Variants in FAM98B observed in about 807,000 individuals in gnomAD.
The protein encoded by FAM98B is tRNA splicing ligase complex subunit 3B.
In FAM98B, 32 loss-of-function variants were observed where a neutral mutation model predicts 43.9. The ratio of observed to expected loss-of-function variants is 0.73; its 90% confidence interval spans 0.55 to 0.98. The LOEUF is 0.98. FAM98B is among the 50% of genes least tolerant of loss of function. The pLI, the probability that FAM98B is intolerant of heterozygous loss-of-function variation, is 0.00. For missense variants in FAM98B, 514 were observed against 522.9 expected, an observed-to-expected ratio of 0.98 and a Z score of 0.17; for synonymous variants, 190 against 174.0, an observed-to-expected ratio of 1.09 and a Z score of -0.72.
Position 38,465,253 on chromosome 15 carries a change from T to A in FAM98B, c.218-16T>A, listed in dbSNP as rs1566898045. On this transcript the variant is annotated splice_polypyrimidine_tract_variant and intron_variant, in intron 2 of 7. Transcript: ENST00000397609. ...TAAATGCTCAGTAAATGTTTTATGATTTTTCTTTTTTAAAGGAAGAGATGA... is the reference window on the plus strand; with the variant it reads ...TAAATGCTCAGTAAATGTTTTATGAATTTTCTTTTTTAAAGGAAGAGATGA... 6.3e-7 allele frequency: 1 copy of A among 1,595,768 alleles called. No homozygotes were observed. The highest frequency in any genetic ancestry group is 1.4e-5 in the African/African-American group (1 of 73,642).
chr15:38,467,853 A>T (rs1890062124), intron 3 of FAM98B, among the ~76,000 whole-genome samples: 1 of 152,256 alleles, frequency 6.6e-6, no homozygotes. Context: ...CTGATGTGGA[A>T]TGATCTCTAA....
Position 38,484,665 on chromosome 15 carries a change from A to G in FAM98B, c.*6A>G. On this transcript the variant is annotated 3_prime_UTR_variant, in exon 8 of 8. Transcript: ENST00000397609. ...GTGGATATAGAAGATACTAAAAACT[A>G]TAAAAATTAGATAGCAGTGCTTGCT... 1.3e-6 allele frequency: 2 copies of G among 1,512,334 alleles called. No homozygotes were observed. Among genetic ancestry groups the G allele is most frequent in the Non-Finnish European group, 1.8e-6 (2 of 1,136,738 alleles). The allele number at this position is 1,512,334 out of a possible 1,614,324, so 93.7% of individuals were successfully genotyped here.
intron 4 of FAM98B, chr15:38,470,715 AAG>A (rs1890118155): frequency 5.5e-6 from 1 of 182,792 alleles, no homozygotes; most frequent in African/African-American, 2.3e-5. Context: ...ATAAGAAAGA[AAG>A]AAAGAAGTAG....
At chr15:38,456,258 GTC>G (rs1889846878) in intron 1 of FAM98B, among the ~76,000 whole-genome samples, 1 of 152,226 alleles carries the variant, frequency 6.6e-6, no homozygotes, top group African/African-American at 2.4e-5. Context: ...AGTTCTGATA[GTC>G]TCTGATTTTG....
At chr15:38,478,147 CTTTCA>C (rs1890232218) in intron 6 of FAM98B, among the ~76,000 whole-genome samples, 1 of 151,954 alleles carries the variant, frequency 6.6e-6, no homozygotes, top group Non-Finnish European at 1.5e-5. Context: ...TTGATATATT[CTTTCA>C]ACATTCAGTG....
At chr15:38,483,263 TTC>T (rs565802224) in intron 7 of FAM98B, 124 of 152,336 alleles carry the variant, frequency 8.1e-4, no homozygotes, top group African/African-American at 2.6e-3. Context: ...CTAAAAGAAC[TTC>T]TTAGTGAAAT....
chr15:38,475,470 G>A (rs565071768), intron 6 of FAM98B, among the ~76,000 whole-genome samples: 1 of 152,142 alleles, frequency 6.6e-6, no homozygotes, highest in Non-Finnish European at 1.5e-5. Flanking sequence ...GGATCCTTTA[G>A]GGGAGAATCT....
At chr15:38,479,101 G>A (rs1374935561) in intron 6 of FAM98B, among the ~76,000 whole-genome samples, 1 of 152,018 alleles carries the variant, frequency 6.6e-6, no homozygotes, top group Admixed American at 6.6e-5. Flanking sequence ...TGGGACTACA[G>A]ACGTGTGCCA....
chr15:38,454,326 G>GCGGC (rs1889813733), intron 1 of FAM98B, 94 bp downstream of exon 1: 1 of 1,358,262 alleles, frequency 7.4e-7, no homozygotes, highest in African/African-American at 1.4e-5. Flanking sequence ...GTGGGCCTGG[G>GCGGC]CGGCCATGTG....
chr15:38,470,950 A>AT lies in FAM98B; in HGVS notation c.531+558dup, dbSNP rs578034777. ...AACTATGTACCTTATGTACTTTGGC[A>AT]TTTTTTTTTTTTTCAGTTACTAAGC... On this transcript the variant is annotated intron_variant, in intron 4 of 7. Coordinates refer to ENST00000397609, the MANE Select transcript of FAM98B (RefSeq NM_173611.4). Among the ~76,000 whole-genome samples the AT allele has an allele frequency of 3.8e-3, 544 of 141,430 alleles. 2 individuals carry two copies. Among genetic ancestry groups the AT allele is most frequent in the African/African-American group, 0.01 (406 of 39,200 alleles). The allele number at this position is 141,430 out of a possible 152,430, so 92.8% of individuals were successfully genotyped here. A position where few individuals can be genotyped will look rare whatever the true frequency, so the allele number is the denominator to read the frequency against.
At position 38,484,787 on chromosome 15, in the gene FAM98B, T is replaced by C. The variant is rs1250770702; in HGVS notation, c.*128T>C. ...TTAGACTCCCTGGTGATACCACTCT[T>C]GAATTGGTTAATATGTAAGAACATT... is the stretch of plus-strand genomic sequence containing the variant. On this transcript the variant is annotated 3_prime_UTR_variant, in exon 8 of 8. Coordinates refer to ENST00000397609, the MANE Select transcript of FAM98B (RefSeq NM_173611.4). The C allele has an allele frequency of 7.3e-7, 1 of 1,362,896 alleles. No homozygotes were observed. Among genetic ancestry groups the C allele is most frequent in the Non-Finnish European group, 9.6e-7 (1 of 1,046,182 alleles). 84.4% of individuals were successfully genotyped at this position (1,362,896 alleles called of 1,614,324 possible). A position where few individuals can be genotyped will look rare whatever the true frequency, so the allele number is the denominator to read the frequency against.
chr15:38,479,001 C>T (rs969527650), intron 6 of FAM98B, among the ~76,000 whole-genome samples: 1 of 151,618 alleles, frequency 6.6e-6, no homozygotes, highest in Admixed American at 6.6e-5. Flanking sequence ...TTGTTGTTGC[C>T]CAGGCTGGAG....
In FAM98B at chr15:38,470,306, T is replaced by A. The variant is rs1250756991; in HGVS notation, c.432T>A (p.Ser144Arg). ...AAAATTCTCAATTAGATAAAAATAG[T>A]GAAGTTTATCAGGAAGTTCAAGCTA... Reference protein sequence around the residue: ...KHKNSQLDKNSEVYQEVQAMF... With the variant: ...KHKNSQLDKNREVYQEVQAMF... The change falls in exon 4 of 8, where the codon AGT (serine) becomes AGA (arginine). Residue 144 changes from serine (S) to arginine (R), a missense_variant. This residue lies in a region of FAM98B where 469 missense variants were observed against 451.8 expected (regional missense o/e 1.04). Coordinates refer to ENST00000397609, the MANE Select transcript of FAM98B (RefSeq NM_173611.4). The A allele has an allele frequency of 1.2e-6, 2 of 1,601,986 alleles. No homozygotes were observed. The highest frequency in any genetic ancestry group is 2.2e-5 in the East Asian group (1 of 44,572).
chr15:38,462,831 A>G (rs1013316245), intron 1 of FAM98B, among the ~76,000 whole-genome samples: 2 of 152,240 alleles, frequency 1.3e-5, no homozygotes, highest in Admixed American at 1.3e-4. Context: ...TCTAAATACC[A>G]TTAAAAGAAT....
intron 7 of FAM98B, chr15:38,483,724 T>C (rs1204485297): frequency 6.8e-6 from 1 of 147,978 alleles, no homozygotes. Flanking sequence ...CTAAGGAATT[T>C]GTCATGTATC....
intron 7 of FAM98B, chr15:38,482,991 A>G (rs1890304865): frequency 6.6e-6 from 1 of 152,210 alleles, no homozygotes; most frequent in Non-Finnish European, 1.5e-5. Context: ...TTCTTAAAAG[A>G]AGCAGTTCAT....
intron 3 of FAM98B, among the ~76,000 whole-genome samples, chr15:38,469,098 G>T (rs1038221543): frequency 6.6e-6 from 1 of 152,002 alleles, no homozygotes; most frequent in Admixed American, 6.6e-5. Context: ...TAGAGTCGGG[G>T]TTTCACCATG....
At position 38,484,488 on chromosome 15, in the gene FAM98B, G is replaced by GGGA. The variant is rs766204596; in HGVS notation, c.1143_1145dup (p.Gly383dup). On this transcript the variant is annotated inframe_insertion, in exon 8 of 8. Coordinates refer to ENST00000397609, the MANE Select transcript of FAM98B (RefSeq NM_173611.4). Reference sequence around the variant, plus strand: ...GTGGGGGAGGGGGAGGAGGGTGGGGGGGAGGAGGAGGAGGTGGTAGAGGAG... The same window carrying GGGA: ...GTGGGGGAGGGGGAGGAGGGTGGGGGGGAGGAGGAGGAGGAGGTGGTAGAGGAG... The GGGA allele has an allele frequency of 4.3e-6, 4 of 920,512 alleles. No homozygotes were observed. The highest frequency in any genetic ancestry group is 2.4e-5 in the African/African-American group (1 of 41,520). The allele number at this position is 920,512 out of a possible 1,614,324, so 57.0% of individuals were successfully genotyped here.
At chr15:38,455,959 G>T (rs929221981) in intron 1 of FAM98B, among the ~76,000 whole-genome samples, 30 of 152,148 alleles carry the variant, frequency 2.0e-4, no homozygotes, top group Admixed American at 6.5e-5. Flanking sequence ...ATGATAATAC[G>T]ATGTGAAAAA....
Sources: gnomAD v4.1 joint callset for allele counts (sites outside exome capture counted in the v4.1 genomes callset) on GRCh38, gnomAD v4.1.1 for gene constraint, gnomAD v4.1.1 regional missense constraint, MANE v1.5 for transcripts, NCBI Gene and HGNC (gene_info 2026-07-23, HGNC 2026-07-21) for gene names.